LAMA2: variants seen among roughly 807,000 people sequenced by gnomAD.
LAMA2 encodes laminin subunit alpha-2.
LAMA2 carries 269 observed loss-of-function variants against 364.8 expected under a neutral mutation model. That is an observed-to-expected ratio of 0.74 (90% CI 0.67 to 0.82). The LOEUF (loss-of-function observed/expected upper bound fraction) is 0.82. LAMA2 is among the 40% of genes least tolerant of loss of function. The probability of loss-of-function intolerance (pLI) is 0.00; values close to 1 mark genes in which losing one functional copy is unlikely to be tolerated. For missense variants in LAMA2, 3,807 were observed against 3,873.2 expected, an observed-to-expected ratio of 0.98 and a Z score of 0.45; for synonymous variants, 1,379 against 1,370.6, an observed-to-expected ratio of 1.01 and a Z score of -0.14.
chr6:129,022,448 T>C lies in LAMA2; in HGVS notation c.113-27470T>C, dbSNP rs1017159950. Among the ~76,000 whole-genome samples the C allele has an allele frequency of 2.0e-5, 3 of 152,318 alleles. No individual in the cohort carries two copies. The South Asian group carries it at 6.2e-4, about 32-fold the overall frequency. ...ACTAACCACTCATTTACTCCGAAATTAAGTGCTCAGTGATATGCATGTTAT... is the reference window on the plus strand; with the variant it reads ...ACTAACCACTCATTTACTCCGAAATCAAGTGCTCAGTGATATGCATGTTAT... On this transcript the variant is annotated intron_variant, in intron 1 of 64. Coordinates refer to ENST00000421865, the MANE Select transcript of LAMA2 (RefSeq NM_000426.4).
intron 1 of LAMA2, chr6:128,929,772 C>T (rs908291741): frequency 3.7e-6 from 4 of 1,086,344 alleles, no homozygotes; most frequent in Non-Finnish European, 5.7e-6. Context: ...ACGTGTAAAA[C>T]CACAACTGTC....
At chr6:129,337,515 C>A (rs1776019915) in intron 29 of LAMA2, among the ~76,000 whole-genome samples, 1 of 152,016 alleles carries the variant, frequency 6.6e-6, no homozygotes, top group Non-Finnish European at 1.5e-5. Flanking sequence ...TTTTTATTCA[C>A]CGTAAGGAAA....
At chr6:129,394,220 T>C (rs901840704) in intron 37 of LAMA2, among the ~76,000 whole-genome samples, 9 of 152,204 alleles carry the variant, frequency 5.9e-5, no homozygotes, top group Non-Finnish European at 1.0e-4. Flanking sequence ...AGTATCTGAC[T>C]CCAACAGGTC....
At chr6:129,032,517 G>A (rs1201941665) in intron 1 of LAMA2, among the ~76,000 whole-genome samples, 1 of 152,140 alleles carries the variant, frequency 6.6e-6, no homozygotes, top group African/African-American at 2.4e-5. Flanking sequence ...CGGACTAAAG[G>A]CAGTATTCGT....
At chr6:129,014,867 A>G (rs1475261731) in intron 1 of LAMA2, among the ~76,000 whole-genome samples, 5 of 152,052 alleles carry the variant, frequency 3.3e-5, no homozygotes, top group Non-Finnish European at 5.9e-5. Flanking sequence ...ATAAAGATAT[A>G]AAGATTATAA....
In LAMA2 at chr6:129,320,065, G is replaced by A. The variant is rs548148572; in HGVS notation, c.4059-473G>A. Reference sequence around the variant, plus strand: ...GGAGAATCACTTGAACCTGGTAGGCGGAGGTTGTAGTGAGCCAAGATTATG... The same window carrying A: ...GGAGAATCACTTGAACCTGGTAGGCAGAGGTTGTAGTGAGCCAAGATTATG... On this transcript the variant is annotated intron_variant, in intron 27 of 64. Coordinates refer to ENST00000421865, the MANE Select transcript of LAMA2 (RefSeq NM_000426.4). Among the ~76,000 whole-genome samples the A allele has an allele frequency of 7.2e-4, 109 of 152,132 alleles. 1 individual carries two copies. Among genetic ancestry groups the A allele is most frequent in the Non-Finnish European group, 2.1e-4 (14 of 68,004 alleles).
chr6:128,910,325 T>A (rs199684313), intron 1 of LAMA2, among the ~76,000 whole-genome samples: 60 of 133,686 alleles, frequency 4.5e-4, no homozygotes, highest in East Asian at 6.6e-4. Flanking sequence ...TCTTGGAGGC[T>A]TTGCTCATTT....
At chr6:129,159,106 G>A in intron 8 of LAMA2, 1 of 1,577,938 alleles carries the variant, frequency 6.3e-7, no homozygotes, top group African/African-American at 1.3e-5. Context: ...TGATGTAAAT[G>A]TATAGCTGAG....
intron 1 of LAMA2, among the ~76,000 whole-genome samples, chr6:128,972,952 T>C (rs1221455871): frequency 1.3e-5 from 2 of 152,190 alleles, no homozygotes; most frequent in African/African-American, 4.8e-5. Flanking sequence ...TTGGTTTAAA[T>C]ATCCTTTTAT....
At chr6:129,401,368 A>G in intron 38 of LAMA2, 28 bp downstream of exon 38, 1 of 1,337,254 alleles carries the variant, frequency 7.5e-7, no homozygotes, top group African/African-American at 1.5e-5. Context: ...CTCAAAAGAG[A>G]GATGATAATG....
chr6:128,977,672 G>A (rs1562888018), intron 1 of LAMA2, among the ~76,000 whole-genome samples: 1 of 152,142 alleles, frequency 6.6e-6, no homozygotes, highest in South Asian at 2.1e-4. Context: ...AGAAATGATT[G>A]TGTATACTTT....
chr6:129,196,431 C>G (rs1781856231), intron 12 of LAMA2, among the ~76,000 whole-genome samples: 1 of 152,114 alleles, frequency 6.6e-6, no homozygotes, highest in Admixed American at 6.6e-5. Flanking sequence ...TTAACACAAA[C>G]AAACAAAACT....
chr6:129,105,104 A>C (rs1775743316), intron 4 of LAMA2, among the ~76,000 whole-genome samples: 1 of 152,230 alleles, frequency 6.6e-6, no homozygotes, highest in Admixed American at 6.5e-5. Context: ...GAGAAGGCTC[A>C]GCAGGGACCC....
chr6:129,420,010 G>A (rs1175637466), intron 40 of LAMA2, among the ~76,000 whole-genome samples: 2 of 151,894 alleles, frequency 1.3e-5, no homozygotes, highest in Non-Finnish European at 1.5e-5. Flanking sequence ...TATTATAAAA[G>A]CAGCTTATGT....
chr6:129,324,637 C>T (rs1413584632), intron 28 of LAMA2, among the ~76,000 whole-genome samples: 2 of 152,204 alleles, frequency 1.3e-5, no homozygotes, highest in Non-Finnish European at 2.9e-5. Context: ...GCCTACTACA[C>T]ACCTAGGCTA....
chr6:129,267,357 G>A (rs1237022148), intron 16 of LAMA2, 138 bp downstream of exon 16: 6 of 729,032 alleles, frequency 8.2e-6, no homozygotes, highest in Non-Finnish European at 1.5e-5. Flanking sequence ...GTATTGAACT[G>A]AATTGGAACT....
intron 10 of LAMA2, among the ~76,000 whole-genome samples, chr6:129,188,128 T>C (rs1013443022): frequency 6.6e-6 from 1 of 151,878 alleles, no homozygotes; most frequent in African/African-American, 2.4e-5. Context: ...ATATTCCACC[T>C]TGCATTATAG....
intron 58 of LAMA2, among the ~76,000 whole-genome samples, chr6:129,499,285 G>A (rs1414640947): frequency 6.6e-5 from 10 of 151,210 alleles, no homozygotes; most frequent in Non-Finnish European, 1.5e-4. Context: ...TATTATTATT[G>A]TTGTTTTAAC....
chr6:129,464,323 A>C lies in LAMA2; in HGVS notation c.7026A>C (p.Gln2342His). 2 of 1,612,232 alleles carry C rather than the reference A, an allele frequency of 1.2e-6. No homozygotes were observed. Among genetic ancestry groups the C allele is most frequent in the South Asian group, 1.1e-5 (1 of 91,068 alleles). Residue 2342 changes from glutamine (Q) to histidine (H), a missense_variant, in exon 50 of 65, where the codon CAA (glutamine) becomes CAC (histidine). By Grantham distance (24) the Gln-to-His change is conservative (BLOSUM62 0). Around this residue, in one of 3 missense-constraint regions of LAMA2, gnomAD observed 3,333 missense variants for 3,345.7 expected, o/e 1.00. Coordinates refer to ENST00000421865, the MANE Select transcript of LAMA2 (RefSeq NM_000426.4). ...PQVEDSEGTI[Q>H]FDGEGYALVS... ...TGGAAGATAGTGAGGGGACTATTCA[A>C]TTTGATGGAGAAGGTTATGCATTGG...
Sources: allele counts gnomAD v4.1 joint callset (sites outside exome capture counted in the v4.1 genomes callset), GRCh38; gene constraint gnomAD v4.1.1; regional missense constraint gnomAD v4.1.1; transcripts MANE v1.5; gene names NCBI Gene and HGNC (gene_info 2026-07-23, HGNC 2026-07-21).